The following RGS6 variants were observed in gnomAD, a reference collection of about 807,000 sequenced individuals.
The protein encoded by RGS6 is regulator of G protein signaling 6.
RGS6 carries 30 observed loss-of-function variants against 78.5 expected under a neutral mutation model. The observed-to-expected ratio is 0.38, with a 90% CI of 0.29 to 0.52. The LOEUF (loss-of-function observed/expected upper bound fraction) is 0.52. Among genes scored for constraint, RGS6 ranks in the 20% least tolerant of loss-of-function variants. The pLI, the probability that RGS6 is intolerant of heterozygous loss-of-function variation, is 0.85. For synonymous variants in RGS6, 206 were observed against 206.0 expected (o/e 1.00, Z 0.00); for missense variants, 495 against 609.7 (o/e 0.81, Z 1.98).
At chr14:72,368,469 G>A (rs2082834373) in intron 3 of RGS6, among the ~76,000 whole-genome samples, 1 of 152,024 alleles carries the variant, frequency 6.6e-6, no homozygotes. Flanking sequence ...TTGCACTGTG[G>A]TACTTCCAGA....
At chr14:72,053,116 CCTTCCTTCCTTCCTTT>C (rs1567107898) in intron 2 of RGS6, among the ~76,000 whole-genome samples, 1 of 86,296 alleles carries the variant, frequency 1.2e-5, no homozygotes, top group African/African-American at 4.4e-5. Context: ...TTCCTTCCTT[CCTTCCTTCCTTCCTTT>C]CTTTTTTTGA....
intron 3 of RGS6, among the ~76,000 whole-genome samples, chr14:72,389,332 G>T (rs987618259): frequency 4.6e-5 from 7 of 152,084 alleles, no homozygotes; most frequent in African/African-American, 1.7e-4. Context: ...TCAGGAGACT[G>T]CTTTGCCCAG....
intron 7 of RGS6, among the ~76,000 whole-genome samples, chr14:72,466,025 A>C (rs2095901865): frequency 1.3e-5 from 2 of 152,194 alleles, no homozygotes; most frequent in African/African-American, 2.4e-5. Flanking sequence ...AATAACTCTT[A>C]AAACTCAACA....
At chr14:72,350,481 T>C (rs2078904639) in intron 2 of RGS6, among the ~76,000 whole-genome samples, 1 of 152,180 alleles carries the variant, frequency 6.6e-6, no homozygotes, top group Admixed American at 6.5e-5. Context: ...CCTGGCTCCT[T>C]TGTGGTTGGG....
chr14:72,523,832 TTA>T (rs1300721922), intron 15 of RGS6, among the ~76,000 whole-genome samples: 3 of 150,988 alleles, frequency 2.0e-5, no homozygotes, highest in African/African-American at 7.4e-5. Context: ...TAGGCCATGA[TTA>T]TTTTTTTTTA....
chr14:71,882,591 T>A, the RGS6 span, among the ~76,000 whole-genome samples: 3 of 152,220 alleles, frequency 2.0e-5, no homozygotes, highest in South Asian at 2.1e-4. Context: ...ATGGGAATGA[T>A]CTGATTTTCT....
intron 2 of RGS6, among the ~76,000 whole-genome samples, chr14:72,094,893 A>G (rs191010569): frequency 1.3e-5 from 2 of 152,276 alleles, no homozygotes; most frequent in Non-Finnish European, 2.9e-5. Context: ...TATTCTTGCA[A>G]TTACACAACA....
chr14:72,573,856 C>A, the RGS6 span, among the ~76,000 whole-genome samples: 1 of 152,206 alleles, frequency 6.6e-6, no homozygotes, highest in African/African-American at 2.4e-5. Context: ...TGCACGTGCA[C>A]ACACACGCAC....
intron 2 of RGS6, among the ~76,000 whole-genome samples, chr14:72,204,400 A>G (rs977741091): frequency 1.3e-5 from 2 of 152,206 alleles, no homozygotes; most frequent in African/African-American, 4.8e-5. Flanking sequence ...AGGCAGTCCC[A>G]GAAGCTGCCT....
chr14:72,387,745 T>C (rs925724925), intron 3 of RGS6, among the ~76,000 whole-genome samples: 6 of 152,172 alleles, frequency 3.9e-5, no homozygotes, highest in Non-Finnish European at 8.8e-5. Flanking sequence ...GGAGTATTAG[T>C]TTGCCAGCAC....
intron 3 of RGS6, among the ~76,000 whole-genome samples, chr14:72,437,560 T>C (rs1312915245): frequency 6.6e-6 from 1 of 152,090 alleles, no homozygotes; most frequent in African/African-American, 2.4e-5. Flanking sequence ...GGGGCAGGGG[T>C]AGTGATGAGA....
chr14:72,611,762 C>A, the RGS6 span, among the ~76,000 whole-genome samples: 3 of 152,324 alleles, frequency 2.0e-5, no homozygotes, highest in East Asian at 5.8e-4. Context: ...ATTAAAGCAA[C>A]TAGGCTGAGG....
intron 2 of RGS6, among the ~76,000 whole-genome samples, chr14:72,128,603 C>T (rs949641265): frequency 1.3e-5 from 2 of 151,960 alleles, no homozygotes; most frequent in Non-Finnish European, 2.9e-5. Context: ...ATTATATACC[C>T]TTATGCCCTT....
At chr14:72,296,064 C>G (rs900936454) in intron 2 of RGS6, among the ~76,000 whole-genome samples, 1 of 152,206 alleles carries the variant, frequency 6.6e-6, no homozygotes, top group Non-Finnish European at 1.5e-5. Flanking sequence ...TGATGTCTAT[C>G]ACCACACTTG....
intron 2 of RGS6, among the ~76,000 whole-genome samples, chr14:72,202,577 G>A (rs1488553134): frequency 6.6e-6 from 1 of 152,080 alleles, no homozygotes; most frequent in African/African-American, 2.4e-5. Flanking sequence ...TGATTCTGTA[G>A]CCAAACTCAG....
At chr14:72,202,450 G>A (rs577612695) in intron 2 of RGS6, among the ~76,000 whole-genome samples, 1 of 152,278 alleles carries the variant, frequency 6.6e-6, no homozygotes, top group African/African-American at 2.4e-5. Context: ...TTCTGCATTT[G>A]AGCAGCTCCC....
intron 2 of RGS6, among the ~76,000 whole-genome samples, chr14:72,349,753 G>T (rs1566593640): frequency 6.6e-6 from 1 of 152,130 alleles, no homozygotes; most frequent in East Asian, 1.9e-4. Flanking sequence ...CTGAGTGGAG[G>T]ACAAAGAAGT....
At chr14:72,379,422 T>C (rs976430136) in intron 3 of RGS6, among the ~76,000 whole-genome samples, 15 of 152,092 alleles carry the variant, frequency 9.9e-5, no homozygotes, top group African/African-American at 3.6e-4. Flanking sequence ...AACTTATATG[T>C]AGAAAAACCT....
Position 72,412,167 on chromosome 14 carries a change from G to A in RGS6, c.185-42361G>A, listed in dbSNP as rs200824026. Among the ~76,000 whole-genome samples, 12 of 152,266 alleles carry A rather than the reference G, an allele frequency of 7.9e-5. 1 individual carries two copies. In the East Asian group the frequency reaches 1.9e-3, roughly 24 times the overall value. On this transcript the variant is annotated intron_variant, in intron 3 of 17. Coordinates refer to ENST00000553525, the MANE Select transcript of RGS6 (RefSeq NM_001204424.2). Reference sequence around the variant, plus strand: ...GTACCAGCTCCTCCTTGTACCTCTGGTAGAATTCGGCTGTGAATCCATCTG... The same window carrying A: ...GTACCAGCTCCTCCTTGTACCTCTGATAGAATTCGGCTGTGAATCCATCTG...
Sources: allele counts gnomAD v4.1 joint callset (sites outside exome capture counted in the v4.1 genomes callset), GRCh38; gene constraint gnomAD v4.1.1; transcripts MANE v1.5; gene names NCBI Gene and HGNC (gene_info 2026-07-23, HGNC 2026-07-21).